The following PTPRT variants were observed in gnomAD, a reference collection of about 807,000 sequenced individuals.
PTPRT encodes the protein receptor-type tyrosine-protein phosphatase T.
Under a neutral mutation model 176.8 loss-of-function variants are expected in PTPRT, and 56 were observed. That is an observed-to-expected ratio of 0.32 (90% CI 0.26 to 0.40). PTPRT has a LOEUF of 0.40. Ranked by LOEUF, PTPRT falls within the 10% of genes least tolerant of loss-of-function variation. The pLI is 1.00. For synonymous variants in PTPRT, 783 were observed against 739.0 expected (o/e 1.06, Z -0.96); for missense variants, 1,540 against 1,908.2 (o/e 0.81, Z 3.60).
intron 1 of PTPRT, among the ~76,000 whole-genome samples, chr20:43,070,218 C>T (rs1423674995): frequency 6.6e-6 from 1 of 152,182 alleles, no homozygotes; most frequent in Non-Finnish European, 1.5e-5. Flanking sequence ...GCCCCAGATG[C>T]TGTGGGCTCA....
intron 13 of PTPRT, among the ~76,000 whole-genome samples, chr20:42,249,615 G>T (rs1339596628): frequency 6.6e-6 from 1 of 152,190 alleles, no homozygotes; most frequent in Admixed American, 6.5e-5. Flanking sequence ...ACCAAGGGAA[G>T]TTGCTAAAAG....
At chr20:42,620,751 T>G (rs2074178754) in intron 7 of PTPRT, among the ~76,000 whole-genome samples, 2 of 152,222 alleles carry the variant, frequency 1.3e-5, no homozygotes, top group Non-Finnish European at 2.9e-5. Flanking sequence ...GGGAACTCCC[T>G]GACCCCTTGC....
chr20:42,049,250 A>G, the PTPRT span, among the ~76,000 whole-genome samples: 2 of 152,372 alleles, frequency 1.3e-5, no homozygotes, highest in East Asian at 3.9e-4. Context: ...TATATGTGAC[A>G]ATGCACATCG....
intron 6 of PTPRT, among the ~76,000 whole-genome samples, chr20:42,756,081 T>TA (rs916930631): frequency 7.4e-4 from 113 of 151,886 alleles, no homozygotes; most frequent in Admixed American, 1.3e-3. Context: ...TTTCAATTTT[T>TA]AAAAAAAAAT....
chr20:42,523,803 A>AAT (rs11472132), intron 7 of PTPRT, among the ~76,000 whole-genome samples: 15,863 of 151,854 alleles, frequency 0.1, 1,031 homozygotes, highest in East Asian at 0.21. Context: ...TTCAGAAATT[A>AAT]ATATATATAT....
intron 16 of PTPRT, among the ~76,000 whole-genome samples, chr20:42,169,639 G>C (rs547054803): frequency 6.6e-6 from 1 of 152,000 alleles, no homozygotes; most frequent in Admixed American, 6.6e-5. Context: ...TTCCTTTAAA[G>C]TTAAATAAAC....
chr20:42,708,205 G>A (rs1424585852), intron 6 of PTPRT, among the ~76,000 whole-genome samples: 1 of 152,132 alleles, frequency 6.6e-6, no homozygotes, highest in East Asian at 1.9e-4. Flanking sequence ...GACTTTGGAT[G>A]TACTAGGGTG....
At chr20:43,085,906 GACAAACAC>G (rs2011590422) in intron 1 of PTPRT, among the ~76,000 whole-genome samples, 1 of 152,092 alleles carries the variant, frequency 6.6e-6, no homozygotes, top group South Asian at 2.1e-4. Context: ...GATCCTAAGG[GACAAACAC>G]ACAGAAGGGC....
At chr20:42,302,065 T>A (rs540540853) in intron 12 of PTPRT, among the ~76,000 whole-genome samples, 17 of 152,298 alleles carry the variant, frequency 1.1e-4, no homozygotes, top group African/African-American at 3.6e-4. Context: ...TGAGTGACAT[T>A]GGGTACATTC....
At chr20:42,232,836 A>C (rs1033672783) in intron 15 of PTPRT, among the ~76,000 whole-genome samples, 1 of 143,856 alleles carries the variant, frequency 7.0e-6, no homozygotes, top group Non-Finnish European at 1.5e-5. Context: ...AAAAAAAAAA[A>C]GGTGAAAGGT....
intron 5 of PTPRT, among the ~76,000 whole-genome samples, chr20:42,759,365 C>T (rs1438376858): frequency 6.6e-6 from 1 of 152,156 alleles, no homozygotes; most frequent in Non-Finnish European, 1.5e-5. Flanking sequence ...TTATCGCTGT[C>T]ATATATAAGA....
At chr20:42,425,222 C>T (rs754814334) in intron 9 of PTPRT, among the ~76,000 whole-genome samples, 1 of 152,038 alleles carries the variant, frequency 6.6e-6, no homozygotes, top group South Asian at 2.1e-4. Flanking sequence ...AGCAAACCCA[C>T]ACAAAGATTA....
chr20:42,570,943 AT>A (rs963008346), intron 7 of PTPRT, among the ~76,000 whole-genome samples: 1 of 64,062 alleles, frequency 1.6e-5, no homozygotes. Flanking sequence ...GGACATAGAC[AT>A]TTTTTATCGG....
chr20:42,509,537 A>G (rs2071915101), intron 7 of PTPRT, among the ~76,000 whole-genome samples: 1 of 146,906 alleles, frequency 6.8e-6, no homozygotes, highest in African/African-American at 2.5e-5. Flanking sequence ...TATATAAATT[A>G]ATATATATCA....
At chr20:42,398,478 C>A (rs550653818) in intron 9 of PTPRT, among the ~76,000 whole-genome samples, 20 of 152,160 alleles carry the variant, frequency 1.3e-4, no homozygotes, top group African/African-American at 4.6e-4. Context: ...AGTACTATAT[C>A]GTCATTAAAT....
At chr20:43,007,066 A>C (rs1984891358) in intron 1 of PTPRT, among the ~76,000 whole-genome samples, 1 of 152,222 alleles carries the variant, frequency 6.6e-6, no homozygotes, top group Admixed American at 6.5e-5. Flanking sequence ...ATCTAAAATC[A>C]ATATAAAGAG....
intron 5 of PTPRT, among the ~76,000 whole-genome samples, chr20:42,765,596 A>T (rs182773794): frequency 1.3e-5 from 2 of 152,246 alleles, no homozygotes; most frequent in East Asian, 3.9e-4. Flanking sequence ...AGCGATGAAA[A>T]TAAAAAGCTT....
At chr20:42,665,601 C>A (rs1441887219) in intron 7 of PTPRT, among the ~76,000 whole-genome samples, 1 of 151,986 alleles carries the variant, frequency 6.6e-6, no homozygotes, top group Non-Finnish European at 1.5e-5. Flanking sequence ...GGGTATATAC[C>A]CAAAGGATTA....
At chr20:42,196,236 C>T (rs1340536685) in intron 16 of PTPRT, among the ~76,000 whole-genome samples, 1 of 152,166 alleles carries the variant, frequency 6.6e-6, no homozygotes, top group African/African-American at 2.4e-5. Flanking sequence ...ATCAGATGAA[C>T]TTGCAAATGA....
Sources: gnomAD v4.1 joint callset for allele counts (sites outside exome capture counted in the v4.1 genomes callset) on GRCh38, gnomAD v4.1.1 for gene constraint, MANE v1.5 for transcripts, NCBI Gene and HGNC (gene_info 2026-07-23, HGNC 2026-07-21) for gene names.